Variants in JAZF1 observed in about 807,000 individuals in gnomAD.
The protein encoded by JAZF1 is JAZF zinc finger 1.
Under a neutral mutation model 26.4 loss-of-function variants are expected in JAZF1, and 8 were observed. The ratio of observed to expected loss-of-function variants is 0.30; its 90% CI spans 0.18 to 0.55. The LOEUF (loss-of-function observed/expected upper bound fraction) is 0.55, where lower values mean the gene tolerates loss of function less well. JAZF1 is among the 20% of genes least tolerant of loss of function. The pLI is 0.94. For synonymous variants in JAZF1, 126 were observed against 122.3 expected (o/e 1.03, Z -0.20); for missense variants, 199 against 322.0 (o/e 0.62, Z 2.92).
chr7:27,841,987 G>T (rs947621371), intron 3 of JAZF1: 2 of 152,184 alleles, frequency 1.3e-5, no homozygotes, highest in African/African-American at 2.4e-5. Flanking sequence ...TGCACCAGGG[G>T]CCTGCCTGGG....
At chr7:28,012,580 A>G (rs1290471734) in intron 1 of JAZF1, among the ~76,000 whole-genome samples, 1 of 152,210 alleles carries the variant, frequency 6.6e-6, no homozygotes, top group Non-Finnish European at 1.5e-5. Flanking sequence ...CCTCCTCTTA[A>G]AGACAGATAG....
At chr7:27,915,877 A>G (rs1784437535) in intron 2 of JAZF1, among the ~76,000 whole-genome samples, 1 of 152,240 alleles carries the variant, frequency 6.6e-6, no homozygotes, top group Non-Finnish European at 1.5e-5. Flanking sequence ...GTAACAGTGA[A>G]ATACTATCCA....
intron 2 of JAZF1, among the ~76,000 whole-genome samples, chr7:27,951,953 A>G (rs1785016135): frequency 6.6e-6 from 1 of 152,144 alleles, no homozygotes; most frequent in Non-Finnish European, 1.5e-5. Context: ...CCTCCTATAG[A>G]GAAACTACAA....
rs566892587 is a variant in JAZF1 at position 28,011,860 on chromosome 7, G to A, written c.116-19879C>T. Among the ~76,000 whole-genome samples, 5 of 152,214 alleles carry A rather than the reference G, an allele frequency of 3.3e-5. No individual in the cohort carries two copies. The South Asian group carries it at 1.0e-3, about 32-fold the overall frequency. Reference sequence around the variant, plus strand: ...TATGTCGACCATATATTGCCTAGATGTGTCTCCCCATTCCATTAAAAGGGA... The same window carrying A: ...TATGTCGACCATATATTGCCTAGATATGTCTCCCCATTCCATTAAAAGGGA... On this transcript the variant is annotated intron_variant, in intron 1 of 4. Coordinates refer to ENST00000283928, the MANE Select transcript of JAZF1 (RefSeq NM_175061.4).
chr7:27,970,519 T>C (rs2128359502), intron 2 of JAZF1, among the ~76,000 whole-genome samples: 1 of 152,370 alleles, frequency 6.6e-6, no homozygotes, highest in Non-Finnish European at 1.5e-5. Flanking sequence ...AAATGTAGCA[T>C]TTCTTTCAAT....
At chr7:27,856,199 G>A (rs1783246785) in intron 3 of JAZF1, among the ~76,000 whole-genome samples, 1 of 152,130 alleles carries the variant, frequency 6.6e-6, no homozygotes, top group Non-Finnish European at 1.5e-5. Context: ...CTTCTGGGGG[G>A]TTCGTGGTCT....
intron 2 of JAZF1, among the ~76,000 whole-genome samples, chr7:27,926,034 A>G (rs1252723776): frequency 6.6e-6 from 1 of 152,236 alleles, no homozygotes; most frequent in Non-Finnish European, 1.5e-5. Flanking sequence ...GGAGTCCCCA[A>G]AGGGGAGTGA....
At chr7:28,059,349 A>G (rs912889465) in intron 1 of JAZF1, among the ~76,000 whole-genome samples, 2 of 152,184 alleles carry the variant, frequency 1.3e-5, no homozygotes, top group African/African-American at 4.8e-5. Flanking sequence ...AACTGGAATA[A>G]TTTGTCCAGT....
intron 1 of JAZF1, among the ~76,000 whole-genome samples, chr7:28,004,542 A>C (rs1009983709): frequency 6.6e-6 from 1 of 152,188 alleles, no homozygotes; most frequent in Non-Finnish European, 1.5e-5. Context: ...AGTTATTTAC[A>C]CCAATTTGCA....
At chr7:27,889,788 T>G (rs1783937621) in intron 3 of JAZF1, among the ~76,000 whole-genome samples, 1 of 152,062 alleles carries the variant, frequency 6.6e-6, no homozygotes, top group Non-Finnish European at 1.5e-5. Flanking sequence ...AAAAATTAGC[T>G]GGGTGGTGTT....
chr7:27,978,554 C>A (rs1351038948), intron 2 of JAZF1, among the ~76,000 whole-genome samples: 1 of 152,100 alleles, frequency 6.6e-6, no homozygotes, highest in Non-Finnish European at 1.5e-5. Context: ...AAAAGCCATT[C>A]TGAATAAAAG....
chr7:27,951,642 G>A (rs1050274193), intron 2 of JAZF1, among the ~76,000 whole-genome samples: 7 of 152,114 alleles, frequency 4.6e-5, no homozygotes, highest in Non-Finnish European at 1.5e-5. Flanking sequence ...ACAGTATTTA[G>A]GTCCTGATGT....
intron 1 of JAZF1, among the ~76,000 whole-genome samples, chr7:28,024,781 TGAG>T (rs1199171875): frequency 1.3e-5 from 2 of 152,092 alleles, no homozygotes; most frequent in African/African-American, 2.4e-5. Context: ...GCCTGCAACT[TGAG>T]AGATCATGAA....
At chr7:28,110,602 GGAAAA>G (rs1267321159) in intron 1 of JAZF1, among the ~76,000 whole-genome samples, 2 of 102,486 alleles carry the variant, frequency 2.0e-5, no homozygotes, top group Admixed American at 1.2e-4. Context: ...AAAAGGAAAA[GGAAAA>G]GGAAAGGAAA....
At chr7:28,036,699 G>A (rs1562566085) in intron 1 of JAZF1, among the ~76,000 whole-genome samples, 1 of 152,190 alleles carries the variant, frequency 6.6e-6, no homozygotes, top group Admixed American at 6.5e-5. Context: ...CCTTCTTAAC[G>A]TGGGTTAGTG....
At chr7:27,997,743 C>CTT (rs904024087) in intron 1 of JAZF1, among the ~76,000 whole-genome samples, 1 of 145,474 alleles carries the variant, frequency 6.9e-6, no homozygotes. Context: ...AATATTTCTA[C>CTT]TTTTTTTTTT....
intron 2 of JAZF1, among the ~76,000 whole-genome samples, chr7:27,982,020 C>G (rs1287863125): frequency 6.6e-6 from 1 of 152,246 alleles, no homozygotes; most frequent in African/African-American, 2.4e-5. Flanking sequence ...CGAATAGGAA[C>G]TGCTCCAGTC....
chr7:27,984,027 A>G (rs1785643510), intron 2 of JAZF1, among the ~76,000 whole-genome samples: 1 of 152,248 alleles, frequency 6.6e-6, no homozygotes, highest in Non-Finnish European at 1.5e-5. Flanking sequence ...CAAGGCCAGG[A>G]AGAAACTGCA....
At chr7:27,943,526 C>T (rs983372838) in intron 2 of JAZF1, among the ~76,000 whole-genome samples, 1 of 152,200 alleles carries the variant, frequency 6.6e-6, no homozygotes, top group Non-Finnish European at 1.5e-5. Context: ...ACACCTCGGG[C>T]CCACTTCATT....
Sources: allele counts gnomAD v4.1 joint callset (sites outside exome capture counted in the v4.1 genomes callset), GRCh38; gene constraint gnomAD v4.1.1; transcripts MANE v1.5; gene names NCBI Gene and HGNC (gene_info 2026-07-23, HGNC 2026-07-21).